Variants in PRIMPOL observed in about 807,000 individuals in gnomAD.
The protein encoded by PRIMPOL is primase and DNA directed polymerase.
PRIMPOL carries 54 observed loss-of-function variants against 63.6 expected under a neutral mutation model. The observed-to-expected ratio is 0.85, with a 90% CI of 0.68 to 1.07. PRIMPOL has a LOEUF of 1.07. PRIMPOL is among the 50% of genes least tolerant of loss of function. PRIMPOL has a pLI of 0.00. For missense variants in PRIMPOL, 610 were observed against 648.3 expected, an observed-to-expected ratio of 0.94 and a Z score of 0.64; for synonymous variants, 197 against 220.2, an observed-to-expected ratio of 0.89 and a Z score of 0.93.
At chr4:184,680,282 G>T (rs1338025794) in intron 8 of PRIMPOL, among the ~76,000 whole-genome samples, 1 of 152,150 alleles carries the variant, frequency 6.6e-6, no homozygotes, top group Non-Finnish European at 1.5e-5. Context: ...CTGCCTCACA[G>T]GTTCAAGCGA....
chr4:184,672,532 C>T (rs191920610), intron 7 of PRIMPOL, 72 bp downstream of exon 7: 143 of 1,426,544 alleles, frequency 1.0e-4, no homozygotes, highest in Non-Finnish European at 1.2e-4. Context: ...GGTGCCCACT[C>T]GTCACCGTGC....
At chr4:184,653,118 G>A (rs1275405125) in intron 2 of PRIMPOL, among the ~76,000 whole-genome samples, 2 of 151,670 alleles carry the variant, frequency 1.3e-5, no homozygotes, top group Non-Finnish European at 2.9e-5. Flanking sequence ...AGGAAGGAAG[G>A]TAGGTAGGTG....
intron 12 of PRIMPOL, 42 bp from the exon 13 acceptor site, chr4:184,691,624 A>G (rs762264060): frequency 6.9e-5 from 110 of 1,599,284 alleles, no homozygotes; most frequent in Non-Finnish European, 8.3e-5. Context: ...TAAAAATTAG[A>G]TAACTGTAAT....
chr4:184,683,227 T>G (rs1756117037), intron 9 of PRIMPOL, among the ~76,000 whole-genome samples: 2 of 152,156 alleles, frequency 1.3e-5, no homozygotes, highest in African/African-American at 2.4e-5. Flanking sequence ...GTTCAGGAGT[T>G]TGAGAACAGC....
chr4:184,686,260 C>T lies in PRIMPOL; in HGVS notation c.1295+576C>T, dbSNP rs184266429. Among the ~76,000 whole-genome samples, 172 of 152,272 alleles carry T rather than the reference C, an allele frequency of 1.1e-3. 1 individual carries two copies. Among genetic ancestry groups the T allele is most frequent in the Admixed American group, 3.5e-3 (54 of 15,294 alleles). On this transcript the variant is annotated intron_variant, in intron 11 of 13. Coordinates refer to ENST00000314970, the MANE Select transcript of PRIMPOL (RefSeq NM_152683.4). Reference sequence around the variant, plus strand: ...TGGAGAGGACAAAGGTGGGGTTGAGCAGGGCTGGGAGAAGGCTGTGGGCAG... The same window carrying T: ...TGGAGAGGACAAAGGTGGGGTTGAGTAGGGCTGGGAGAAGGCTGTGGGCAG...
At chr4:184,684,901 G>C (rs1010567168) in intron 9 of PRIMPOL, among the ~76,000 whole-genome samples, 7 of 152,110 alleles carry the variant, frequency 4.6e-5, no homozygotes, top group Admixed American at 2.0e-4. Flanking sequence ...TGGGATCGGG[G>C]GTGTTGGTCA....
rs1760088302 is a variant in PRIMPOL at position 184,694,565 on chromosome 4, A to G, written c.1469A>G (p.Asn490Ser). Residue 490 changes from asparagine (N) to serine (S), a missense_variant, in exon 14 of 14, where the codon AAT becomes AGT. By Grantham distance (46) the Asn-to-Ser change is conservative. Around this residue, in one of 3 missense-constraint regions of PRIMPOL, gnomAD observed 444 missense variants for 456.4 expected, o/e 0.97. Transcript: ENST00000314970. ...TTDEADETRS[N>S]ETQNPHKPSP... is the part of the protein sequence containing the mutation. ...GATGAAGCAGATGAAACTAGGAGCA[A>G]TGAAACCCAGAATCCTCATAAACCA... 6.2e-6 allele frequency: 10 copies of G among 1,614,112 alleles called. No individual in the cohort carries two copies. The highest frequency in any genetic ancestry group is 8.5e-6 in the Non-Finnish European group (10 of 1,179,942).
intron 13 of PRIMPOL, 121 bp from the exon 14 acceptor site, chr4:184,694,401 A>T: frequency 7.0e-7 from 1 of 1,429,950 alleles, no homozygotes; most frequent in South Asian, 1.5e-5. Context: ...TTCCTCCTGC[A>T]TATTCACTTT....
chr4:184,671,975 T>C lies in PRIMPOL; in HGVS notation c.557-198T>C, dbSNP rs62339867. ...CAGGATGGTCTCGATCTCCCGACCT[T>C]GTGATCCGCCCGCCTCGGCCTCCCA... On this transcript the variant is annotated intron_variant, in intron 6 of 13. Coordinates refer to ENST00000314970, the MANE Select transcript of PRIMPOL (RefSeq NM_152683.4). Among the ~76,000 whole-genome samples, 644 of 152,152 alleles carry C rather than the reference T, an allele frequency of 4.2e-3. 2 individuals are homozygous for C. The highest frequency in any genetic ancestry group is 0.026 in the East Asian group (135 of 5,162).
chr4:184,685,515 C>T lies in PRIMPOL; in HGVS notation c.1186+17C>T. 1 of 1,591,168 alleles carries T rather than the reference C, an allele frequency of 6.3e-7. No homozygotes were observed. Among genetic ancestry groups the T allele is most frequent in the Non-Finnish European group, 8.6e-7 (1 of 1,159,200 alleles). On this transcript the variant is annotated intron_variant, in intron 10 of 13. Coordinates refer to ENST00000314970, the MANE Select transcript of PRIMPOL (RefSeq NM_152683.4). ...TTAAAGGAGGTAAAGTTAATCTCATCCTTTGTTAACTGTTATATGATAGAG... is the reference window on the plus strand; with the variant it reads ...TTAAAGGAGGTAAAGTTAATCTCATTCTTTGTTAACTGTTATATGATAGAG...
rs772705885 is a variant in PRIMPOL at position 184,657,238 on chromosome 4, C to T, written c.98C>T (p.Ser33Phe). 3.7e-6 allele frequency: 6 copies of T among 1,613,866 alleles called. No homozygotes were observed. The highest frequency in any genetic ancestry group is 1.7e-4 in the Middle Eastern group (1 of 6,058). Residue 33 changes from serine (S) to phenylalanine (F), a missense_variant, in exon 3 of 14, where the codon TCC becomes TTC. By Grantham distance (155) the Ser-to-Phe change is radical (BLOSUM62 -2). Around this residue, in one of 3 missense-constraint regions of PRIMPOL, gnomAD observed 159 missense variants for 168.9 expected, o/e 0.94. Coordinates refer to ENST00000314970, the MANE Select transcript of PRIMPOL (RefSeq NM_152683.4). ...PLSSVYRPRL[S>F]KPEEPPSIWR... ...TCCTCAGTGTATAGACCAAGATTGT[C>T]CAAGCCAGAAGAACCACCCTCCATC...
rs533947021 is a variant in PRIMPOL, at chr4:184,667,082, G to A, written c.556+1018G>A. Among the ~76,000 whole-genome samples the A allele has an allele frequency of 3.9e-5, 6 of 152,284 alleles. 1 individual carries two copies. The South Asian group carries it at 8.3e-4, about 21-fold the overall frequency. Reference sequence around the variant, plus strand: ...TTCACGGCCACCTAGAGTAAAAGGCGTGGACATGGTCACTAAAGCACTGGC... The same window carrying A: ...TTCACGGCCACCTAGAGTAAAAGGCATGGACATGGTCACTAAAGCACTGGC... On this transcript the variant is annotated intron_variant, in intron 6 of 13. Transcript: ENST00000314970.
Position 184,694,553 on chromosome 4 carries a change from A to G in PRIMPOL, c.1457A>G (p.Glu486Gly), listed in dbSNP as rs759968898. 4.3e-6 allele frequency: 7 copies of G among 1,613,446 alleles called. No homozygotes were observed. The highest frequency in any genetic ancestry group is 3.3e-4 in the Middle Eastern group (2 of 6,060). The change falls in exon 14 of 14, where the codon GAA becomes GGA. Residue 486 changes from glutamate to glycine, a missense_variant. Physicochemically the swap from Glu to Gly is moderately conservative, Grantham distance 98. Around this residue, in one of 3 missense-constraint regions of PRIMPOL, gnomAD observed 444 missense variants for 456.4 expected, o/e 0.97. Transcript: ENST00000314970. ...EEEFTTDEAD[E>G]TRSNETQNPH... ...GAGTTTACAACAGATGAAGCAGATG[A>G]AACTAGGAGCAATGAAACCCAGAAT...
chr4:184,667,570 A>G (rs955719709), intron 6 of PRIMPOL, among the ~76,000 whole-genome samples: 7 of 152,114 alleles, frequency 4.6e-5, no homozygotes, highest in African/African-American at 9.7e-5. Context: ...TTGGCCTCCC[A>G]AAGTGCTGGG....
intron 6 of PRIMPOL, among the ~76,000 whole-genome samples, chr4:184,667,458 G>C (rs775087178): frequency 2.5e-4 from 38 of 152,122 alleles, no homozygotes; most frequent in South Asian, 4.1e-4. Context: ...CTACAGGCGT[G>C]TGCCACCATG....
At chr4:184,680,511 G>A (rs1038850050) in intron 8 of PRIMPOL, among the ~76,000 whole-genome samples, 1 of 152,146 alleles carries the variant, frequency 6.6e-6, no homozygotes, top group Admixed American at 6.6e-5. Context: ...TTTAAGGAAA[G>A]ATTCTCTAGA....
At chr4:184,689,259 C>T (rs1044334064) in intron 11 of PRIMPOL, among the ~76,000 whole-genome samples, 4 of 151,820 alleles carry the variant, frequency 2.6e-5, no homozygotes, top group Non-Finnish European at 5.9e-5. Flanking sequence ...GTGGGATCTC[C>T]CTCTCTTGCC....
intron 11 of PRIMPOL, among the ~76,000 whole-genome samples, chr4:184,690,013 A>G (rs1158281896): frequency 6.6e-6 from 1 of 152,198 alleles, no homozygotes; most frequent in Non-Finnish European, 1.5e-5. Flanking sequence ...GTTTAAGGGA[A>G]GATTAGACTA....
At chr4:184,687,949 C>G (rs1311214444) in intron 11 of PRIMPOL, among the ~76,000 whole-genome samples, 1 of 152,184 alleles carries the variant, frequency 6.6e-6, no homozygotes, top group African/African-American at 2.4e-5. Context: ...TGCTTGTTTT[C>G]GAATCGCATC....
Sources: allele counts gnomAD v4.1 joint callset (sites outside exome capture counted in the v4.1 genomes callset), GRCh38; gene constraint gnomAD v4.1.1; regional missense constraint gnomAD v4.1.1; transcripts MANE v1.5; gene names NCBI Gene and HGNC (gene_info 2026-07-23, HGNC 2026-07-21).